Variants in ANKRD13C observed in about 807,000 individuals in gnomAD.
ANKRD13C encodes ankyrin repeat domain-containing protein 13C.
In ANKRD13C, 16 loss-of-function variants were observed where a neutral mutation model predicts 65.5. The ratio of observed to expected loss-of-function variants is 0.24; its 90% confidence interval spans 0.17 to 0.37. The LOEUF (loss-of-function observed/expected upper bound fraction) is 0.37, where lower values mean the gene tolerates loss of function less well. Among genes scored for constraint, ANKRD13C ranks in the 10% least tolerant of loss-of-function variants. The pLI is 1.00. For synonymous variants in ANKRD13C, 235 were observed against 238.7 expected (o/e 0.98, Z 0.14); for missense variants, 503 against 655.9 (o/e 0.77, Z 2.55).
Position 70,274,837 on chromosome 1 carries a change from A to G in ANKRD13C, c.1296-19T>C. On this transcript the variant is annotated intron_variant, in intron 10 of 12. Transcript: ENST00000370944. ...AGGAGCTCTAAAATGGGAGGAAAAA[A>G]AATGTTAGGAAACTTTTTCCATAGT... The G allele has an allele frequency of 6.5e-7, 1 of 1,527,244 alleles. No homozygotes were observed. The highest frequency in any genetic ancestry group is 1.4e-5 in the African/African-American group (1 of 73,188). 94.6% of individuals were successfully genotyped at this position (1,527,244 alleles called of 1,614,324 possible).
chr1:70,280,480 G>A (rs1403984839), intron 9 of ANKRD13C, among the ~76,000 whole-genome samples: 1 of 152,142 alleles, frequency 6.6e-6, no homozygotes, highest in African/African-American at 2.4e-5. Context: ...AGACACAGAA[G>A]AGAAAAAGTA....
At chr1:70,325,224 C>A (rs953070349) in intron 2 of ANKRD13C, among the ~76,000 whole-genome samples, 1 of 152,012 alleles carries the variant, frequency 6.6e-6, no homozygotes, top group Admixed American at 6.6e-5. Flanking sequence ...AATAATTATT[C>A]CAAGAGTATT....
chr1:70,322,998 A>G (rs1332007126), intron 3 of ANKRD13C, among the ~76,000 whole-genome samples: 1 of 152,092 alleles, frequency 6.6e-6, no homozygotes, highest in Non-Finnish European at 1.5e-5. Flanking sequence ...CGTCTCAAAA[A>G]AAAAAAGAAT....
Position 70,274,726 on chromosome 1 carries a change from A to T in ANKRD13C, c.1388T>A (p.Ile463Lys). The change falls in exon 11 of 13, where the codon ATA becomes AAA. Residue 463 changes from isoleucine (I) to lysine (K), a missense_variant. Physicochemically the swap from Ile to Lys is moderately radical, Grantham distance 102. Coordinates refer to ENST00000370944, the MANE Select transcript of ANKRD13C (RefSeq NM_030816.5). ...TAGTTAGTAACAAACTTACAACTCT[A>T]TCCCTAAGGGAAATTCCTGGCTCAT... ...IAMSQEFPLG[I>K]ELLLNVLEVV... The T allele has an allele frequency of 1.2e-6, 2 of 1,609,050 alleles. No individual in the cohort carries two copies. The highest frequency in any genetic ancestry group is 1.7e-6 in the Non-Finnish European group (2 of 1,175,520).
chr1:70,306,413 G>A, intron 5 of ANKRD13C, 123 bp from the exon 6 acceptor site: 1 of 528,770 alleles, frequency 1.9e-6, no homozygotes, highest in Non-Finnish European at 3.1e-6. Context: ...CTTTCAAATA[G>A]TATTTTTCCA....
At chr1:70,285,021 T>C (rs2101199158) in intron 9 of ANKRD13C, among the ~76,000 whole-genome samples, 1 of 152,250 alleles carries the variant, frequency 6.6e-6, no homozygotes, top group African/African-American at 2.4e-5. Context: ...TAAAATATAA[T>C]GCTTTCCACA....
intron 9 of ANKRD13C, among the ~76,000 whole-genome samples, chr1:70,287,802 T>C (rs1679687191): frequency 1.3e-5 from 2 of 151,746 alleles, no homozygotes; most frequent in Admixed American, 6.6e-5. Flanking sequence ...AGCCCAGGAG[T>C]TTGAGACCAG....
chr1:70,309,659 G>T (rs937610713), intron 5 of ANKRD13C, among the ~76,000 whole-genome samples: 12 of 148,696 alleles, frequency 8.1e-5, no homozygotes, highest in African/African-American at 2.7e-4. Flanking sequence ...CCAGGAGGTG[G>T]AGCTTGCAGT....
chr1:70,264,466 A>G (rs1678521344), intron 12 of ANKRD13C, among the ~76,000 whole-genome samples: 1 of 130,820 alleles, frequency 7.6e-6, no homozygotes, highest in African/African-American at 2.9e-5. Flanking sequence ...ACAGAGCAAG[A>G]CTCTATCTCA....
intron 9 of ANKRD13C, among the ~76,000 whole-genome samples, chr1:70,285,018 T>C (rs1390654591): frequency 6.6e-6 from 1 of 152,154 alleles, no homozygotes; most frequent in Non-Finnish European, 1.5e-5. Context: ...TGATAAAATA[T>C]AATGCTTTCC....
chr1:70,270,911 G>A lies in ANKRD13C; in HGVS notation c.1440C>T (p.Asn480=). The A allele has an allele frequency of 6.2e-7, 1 of 1,613,348 alleles. No individual in the cohort carries two copies. ...TCATCTGAACAAATTCTCTAAGCTTGTTAAAGTGCTTGAAGGGAGCTACTA... is the reference window on the plus strand; with the variant it reads ...TCATCTGAACAAATTCTCTAAGCTTATTAAAGTGCTTGAAGGGAGCTACTA... The part of the protein sequence containing the change: ...LEVVAPFKHF[N]KLREFVQMKL... The change falls in exon 12 of 13, where the codon AAC becomes AAT. Residue 480 remains asparagine (N), a synonymous_variant. Transcript: ENST00000370944.
intron 8 of ANKRD13C, chr1:70,293,476 C>T (rs1679948072): frequency 1.2e-6 from 1 of 838,598 alleles, no homozygotes; most frequent in African/African-American, 1.8e-5. Flanking sequence ...AAAATGGGAA[C>T]CATAAGTATT....
At chr1:70,277,883 G>C (rs530119537) in intron 9 of ANKRD13C, among the ~76,000 whole-genome samples, 4 of 152,176 alleles carry the variant, frequency 2.6e-5, no homozygotes, top group African/African-American at 9.6e-5. Context: ...CTCTGGAGCA[G>C]AAAAGGAAAT....
rs1679153886 is a variant in ANKRD13C, at chr1:70,276,768, C to T, written c.1292G>A (p.Gly431Glu). Reference sequence around the variant, plus strand: ...CATAAACAAGAAAAAAACTTACTTTCCATTTTCAGCAGATATATATTCTTC... The same window carrying T: ...CATAAACAAGAAAAAAACTTACTTTTCATTTTCAGCAGATATATATTCTTC... ...TWEEYISAEN[G>E]KAPHLGRELV... Residue 431 changes from glycine to glutamate, a missense_variant, in exon 10 of 13, where the codon GGA becomes GAA. By Grantham distance (98) the Gly-to-Glu change is moderately conservative. Coordinates refer to ENST00000370944, the MANE Select transcript of ANKRD13C (RefSeq NM_030816.5). The T allele has an allele frequency of 1.3e-6, 2 of 1,592,116 alleles. No homozygotes were observed. Among genetic ancestry groups the T allele is most frequent in the Non-Finnish European group, 1.7e-6 (2 of 1,172,794 alleles).
intron 5 of ANKRD13C, among the ~76,000 whole-genome samples, chr1:70,308,216 G>A (rs777606160): frequency 2.6e-5 from 4 of 151,894 alleles, no homozygotes; most frequent in African/African-American, 4.8e-5. Flanking sequence ...GGTTGGTCTT[G>A]AACTCCTAGC....
intron 3 of ANKRD13C, among the ~76,000 whole-genome samples, chr1:70,321,891 A>C (rs1415017611): frequency 6.6e-6 from 1 of 152,246 alleles, no homozygotes; most frequent in Non-Finnish European, 1.5e-5. Flanking sequence ...GGACACAAAA[A>C]TAGGTCACAA....
intron 2 of ANKRD13C, among the ~76,000 whole-genome samples, chr1:70,326,646 T>A (rs1681557549): frequency 1.6e-5 from 2 of 126,814 alleles, no homozygotes; most frequent in African/African-American, 6.4e-5. Context: ...TAAGAATATA[T>A]GTACATGAAT....
At chr1:70,293,063 G>C (rs1357134435) in intron 8 of ANKRD13C, among the ~76,000 whole-genome samples, 1 of 151,970 alleles carries the variant, frequency 6.6e-6, no homozygotes, top group Non-Finnish European at 1.5e-5. Flanking sequence ...TCTCTAACAG[G>C]CACCAAACTT....
intron 9 of ANKRD13C, among the ~76,000 whole-genome samples, chr1:70,281,027 A>T (rs1162997390): frequency 6.6e-6 from 1 of 152,082 alleles, no homozygotes; most frequent in Non-Finnish European, 1.5e-5. Context: ...GCTGGGGTAA[A>T]TAAGGAGATA....
Sources: allele counts gnomAD v4.1 joint callset (sites outside exome capture counted in the v4.1 genomes callset), GRCh38; gene constraint gnomAD v4.1.1; transcripts MANE v1.5; gene names NCBI Gene and HGNC (gene_info 2026-07-23, HGNC 2026-07-21).